UGT2A1: variants seen among roughly 807,000 people sequenced by gnomAD.
UGT2A1 encodes UDP-glucuronosyltransferase 2A1.
Under a neutral mutation model 45.4 loss-of-function variants are expected in UGT2A1, and 61 were observed. The observed-to-expected ratio is 1.34, with a 90% CI of 1.09 to 1.66. The LOEUF is 1.66. UGT2A1 is among the 40% of genes most tolerant of loss of function. The pLI, the probability that UGT2A1 is intolerant of heterozygous loss-of-function variation, is 0.00. For synonymous variants in UGT2A1, 229 were observed against 196.2 expected (o/e 1.17, Z -1.40); for missense variants, 649 against 574.3 (o/e 1.13, Z -1.33).
chr4:69,648,737 T>C (rs770703290), intron 1 of UGT2A1, among the ~76,000 whole-genome samples: 18 of 151,974 alleles, frequency 1.2e-4, no homozygotes, highest in Non-Finnish European at 2.4e-4. Flanking sequence ...ACTTGAGTGA[T>C]GGGTATACTA....
chr4:69,589,758 G>A (rs936340637), intron 6 of UGT2A1, 107 bp from the exon 7 acceptor site: 138 of 1,446,094 alleles, frequency 9.5e-5, no homozygotes, highest in South Asian at 3.3e-4. Context: ...CCATAGTTAC[G>A]TGGAGAAAAT....
At chr4:69,638,818 G>A (rs967244525) in intron 2 of UGT2A1, 1 of 1,434,872 alleles carries the variant, frequency 7.0e-7, no homozygotes, top group Non-Finnish European at 9.2e-7. Flanking sequence ...CATATGCAGT[G>A]GAATGGAAAT....
At chr4:69,590,958 A>G (rs995697444) in intron 6 of UGT2A1, among the ~76,000 whole-genome samples, 1 of 152,218 alleles carries the variant, frequency 6.6e-6, no homozygotes, top group Non-Finnish European at 1.5e-5. Flanking sequence ...TGAATAACAG[A>G]ATGGAGTACA....
chr4:69,638,358 G>A (rs573102964), intron 2 of UGT2A1, among the ~76,000 whole-genome samples: 1 of 152,270 alleles, frequency 6.6e-6, no homozygotes, highest in East Asian at 1.9e-4. Context: ...AAGGAAACAT[G>A]AGGCTGGCCA....
At chr4:69,645,135 G>A (rs1268174593) in intron 2 of UGT2A1, among the ~76,000 whole-genome samples, 1 of 151,674 alleles carries the variant, frequency 6.6e-6, no homozygotes, top group African/African-American at 2.4e-5. Flanking sequence ...AGTCTCTGCA[G>A]TCTGTGCATT....
intron 3 of UGT2A1, among the ~76,000 whole-genome samples, chr4:69,599,951 G>C (rs917104511): frequency 5.9e-5 from 9 of 152,134 alleles, no homozygotes; most frequent in African/African-American, 2.2e-4. Context: ...GCAAATCAGA[G>C]GCATTGCTAG....
At chr4:69,650,727 C>A (rs1722483065) in intron 1 of UGT2A1, among the ~76,000 whole-genome samples, 1 of 152,002 alleles carries the variant, frequency 6.6e-6, no homozygotes, top group Non-Finnish European at 1.5e-5. Flanking sequence ...TAAAAATATA[C>A]TATCTTTTTC....
intron 1 of UGT2A1, among the ~76,000 whole-genome samples, chr4:69,651,790 A>G (rs182485192): frequency 2.0e-5 from 3 of 152,332 alleles, no homozygotes; most frequent in Admixed American, 2.0e-4. Context: ...ATCCAAGGAC[A>G]CTTTACCAAA....
At position 69,592,846 on chromosome 4, in the gene UGT2A1, T is replaced by A. The variant is rs138934480; in HGVS notation, c.1304+1631A>T. Reference sequence around the variant, plus strand: ...TTTCTGAAAAGAAAAACTGGATAATTTTTTATCTTAGATTAACATTGTTGT... The same window carrying A: ...TTTCTGAAAAGAAAAACTGGATAATATTTTATCTTAGATTAACATTGTTGT... On this transcript the variant is annotated intron_variant, in intron 6 of 6. Coordinates refer to ENST00000286604, the MANE Select transcript of UGT2A1 (RefSeq NM_001252275.3). 3.2e-3 allele frequency among the ~76,000 whole-genome samples: 481 copies of A among 152,166 alleles called. 3 individuals carry two copies. The highest frequency in any genetic ancestry group is 0.011 in the African/African-American group (456 of 41,556).
Position 69,619,518 on chromosome 4 carries a change from G to T in UGT2A1, c.847+16173C>A, listed in dbSNP as rs183236002. ...AACAAAAGTGAAATTTTAAAATAAC[G>T]TTAAAGAAGACTCTAAAAATAATGA... On this transcript the variant is annotated intron_variant, in intron 3 of 6. Coordinates refer to ENST00000286604, the MANE Select transcript of UGT2A1 (RefSeq NM_001252275.3). Among the ~76,000 whole-genome samples the T allele has an allele frequency of 4.9e-4, 74 of 151,852 alleles. 1 individual carries two copies. The highest frequency in any genetic ancestry group is 1.5e-3 in the African/African-American group (64 of 41,492).
chr4:69,599,456 A>G (rs1001549649), intron 3 of UGT2A1, 62 bp from the exon 4 acceptor site: 3 of 1,581,258 alleles, frequency 1.9e-6, no homozygotes, highest in Non-Finnish European at 2.6e-6. Context: ...GAGGAGAAAA[A>G]AAAGCTACCA....
At chr4:69,609,701 T>C (rs1379804690) in intron 3 of UGT2A1, among the ~76,000 whole-genome samples, 1 of 152,138 alleles carries the variant, frequency 6.6e-6, no homozygotes, top group Non-Finnish European at 1.5e-5. Flanking sequence ...TACCTATACC[T>C]ATACCTATAC....
At chr4:69,634,684 G>A (rs1457420734) in intron 3 of UGT2A1, among the ~76,000 whole-genome samples, 1 of 152,048 alleles carries the variant, frequency 6.6e-6, no homozygotes, top group Non-Finnish European at 1.5e-5. Flanking sequence ...AATTTGAATA[G>A]ATGCAGAAAA....
At chr4:69,604,719 G>A (rs62306495) in intron 3 of UGT2A1, among the ~76,000 whole-genome samples, 24,922 of 135,778 alleles carry the variant, frequency 0.18, 6,028 homozygotes, top group Non-Finnish European at 0.22. Context: ...TAAAGTGATG[G>A]AGGAAGATCT....
chr4:69,647,084 T>G lies in UGT2A1; in HGVS notation c.561A>C (p.Pro187=). 1 of 1,612,862 alleles carries G rather than the reference T, an allele frequency of 6.2e-7. No homozygotes were observed. The highest frequency in any genetic ancestry group is 1.1e-5 in the South Asian group (1 of 91,002). The change falls in exon 2 of 7, where the codon CCA becomes CCC. Residue 187 remains proline, a synonymous_variant. Coordinates refer to ENST00000286604, the MANE Select transcript of UGT2A1 (RefSeq NM_001252275.3). The part of the protein sequence containing the change: ...STVEKHCGKV[P]YPPSYVPAVL... ...CAGCAGGAACATAGGAAGGAGGGTA[T>G]GGTACCTTCCCACAGTGCTTTTCCA...
At chr4:69,606,953 T>G (rs1719664321) in intron 3 of UGT2A1, among the ~76,000 whole-genome samples, 1 of 136,502 alleles carries the variant, frequency 7.3e-6, no homozygotes, top group Admixed American at 7.2e-5. Context: ...TCCATGCTCA[T>G]GGGTAGGAAG....
intron 2 of UGT2A1, among the ~76,000 whole-genome samples, chr4:69,641,072 T>C (rs1328982865): frequency 3.3e-5 from 5 of 151,928 alleles, no homozygotes; most frequent in African/African-American, 9.6e-5. Context: ...ATATAATAAT[T>C]AATTAGGGAT....
chr4:69,604,841 T>C (rs1452942412), intron 3 of UGT2A1, among the ~76,000 whole-genome samples: 1 of 136,146 alleles, frequency 7.3e-6, no homozygotes, highest in Non-Finnish European at 1.6e-5. Context: ...TACATAATGG[T>C]AAAAGGATCA....
At chr4:69,612,308 G>A (rs1212919880) in intron 3 of UGT2A1, among the ~76,000 whole-genome samples, 5 of 152,044 alleles carry the variant, frequency 3.3e-5, no homozygotes, top group Admixed American at 1.3e-4. Flanking sequence ...AATCAGTATC[G>A]TTAAAATGGC....
Sources: allele counts gnomAD v4.1 joint callset (sites outside exome capture counted in the v4.1 genomes callset), GRCh38; gene constraint gnomAD v4.1.1; transcripts MANE v1.5; gene names NCBI Gene and HGNC (gene_info 2026-07-23, HGNC 2026-07-21).